Variants in GPR108 observed in about 807,000 individuals in gnomAD.
GPR108 encodes G protein-coupled receptor 108.
A neutral mutation model predicts 74.3 loss-of-function variants in GPR108; 60 were observed. That is an observed-to-expected ratio of 0.81 (90% confidence interval 0.66 to 1.00). GPR108 has a LOEUF of 1.00. Among genes scored for constraint, GPR108 ranks in the 50% least tolerant of loss-of-function variants. The probability of loss-of-function intolerance (pLI) is 0.00; values close to 1 mark genes in which losing one functional copy is unlikely to be tolerated. For synonymous variants in GPR108, 311 were observed against 292.4 expected, an observed-to-expected ratio of 1.06 and a Z score of -0.65; for missense variants, 667 against 703.3, an observed-to-expected ratio of 0.95 and a Z score of 0.58.
At position 6,731,478 on chromosome 19, in the gene GPR108, C is replaced by A; in HGVS notation, c.1345G>T (p.Val449Phe). 1 of 1,504,656 alleles carries A rather than the reference C, an allele frequency of 6.6e-7. No individual in the cohort carries two copies. 93.2% of individuals were successfully genotyped at this position (1,504,656 alleles called of 1,614,324 possible). Residue 449 changes from valine (V) to phenylalanine (F), a missense_variant, in exon 15 of 18, where the codon GTC becomes TTC. Coordinates refer to ENST00000264080, the MANE Select transcript of GPR108 (RefSeq NM_001080452.2). Reference sequence around the variant, plus strand: ...TGAGTGAGGCGGGCTCCTACCATGACATAGTAATGCCGGAACAGCTTCAGC... The same window carrying A: ...TGAGTGAGGCGGGCTCCTACCATGAAATAGTAATGCCGGAACAGCTTCAGC... ...AKLKLFRHYYVMVICYVYFTR... is the reference protein window; with the variant it reads ...AKLKLFRHYYFMVICYVYFTR...
Position 6,730,215 on chromosome 19 carries a change from A to G in GPR108, c.*97T>C, listed in dbSNP as rs1968330481. ...CCGGGGAGCTGGGCGCCTGGTCCAC[A>G]TGGACCCCCTCCACCTCCCCACATA... On this transcript the variant is annotated 3_prime_UTR_variant, in exon 18 of 18. Transcript: ENST00000264080. The G allele has an allele frequency of 8.2e-7, 1 of 1,212,972 alleles. No homozygotes were observed. Among genetic ancestry groups the G allele is most frequent in the South Asian group, 1.2e-5 (1 of 81,692 alleles). 75.1% of individuals were successfully genotyped at this position (1,212,972 alleles called of 1,614,324 possible).
At chr19:6,734,085 A>C in intron 5 of GPR108, 31 bp from the exon 6 acceptor site, 1 of 1,612,142 alleles carries the variant, frequency 6.2e-7, no homozygotes, top group Non-Finnish European at 8.5e-7. Context: ...ATTTTAAGAG[A>C]TGGATGGATG....
At chr19:6,737,360 G>T in intron 1 of GPR108, 97 bp downstream of exon 1, 1 of 1,390,930 alleles carries the variant, frequency 7.2e-7, no homozygotes, top group Non-Finnish European at 9.4e-7. Context: ...CACCGCCTCG[G>T]GGACGGGGGA....
intron 10 of GPR108, 85 bp downstream of exon 10, chr19:6,732,902 G>A (rs2145476713): frequency 7.8e-7 from 1 of 1,276,452 alleles, no homozygotes; most frequent in Non-Finnish European, 1.1e-6. Context: ...CCCTCCCACA[G>A]GCCCAGGGTC....
At chr19:6,735,986 G>C in intron 2 of GPR108, 28 bp from the exon 3 acceptor site, 2 of 1,592,404 alleles carry the variant, frequency 1.3e-6, no homozygotes, top group Non-Finnish European at 1.7e-6. Flanking sequence ...AAAGGGGAGG[G>C]TGTGAGGGAC....
intron 17 of GPR108, 44 bp downstream of exon 17, chr19:6,730,931 CCCACCCCCTACT>C: frequency 4.3e-6 from 3 of 702,362 alleles, no homozygotes; most frequent in Non-Finnish European, 7.1e-6. Flanking sequence ...CGTAGAGCTG[CCCACCCCCTACT>C]CCACCCCCAG....
chr19:6,735,732 CT>C, intron 3 of GPR108, 28 bp from the exon 4 acceptor site: 1 of 1,600,390 alleles, frequency 6.2e-7, no homozygotes, highest in Non-Finnish European at 8.6e-7. Flanking sequence ...GGGAGTGAGT[CT>C]TGGTTACTCC....
Position 6,735,886 on chromosome 19 carries a change from C to T in GPR108, c.291+22G>A. The T allele has an allele frequency of 1.9e-6, 3 of 1,609,440 alleles. No homozygotes were observed. The South Asian group carries it at 3.3e-5, about 18-fold the overall frequency. On this transcript the variant is annotated intron_variant, in intron 3 of 17. Coordinates refer to ENST00000264080, the MANE Select transcript of GPR108 (RefSeq NM_001080452.2). Reference sequence around the variant, plus strand: ...CCCTCCCTCCAGCCCCTTCTCCCGTCTTCCCCATGCCCTCCACTCACTGAA... The same window carrying T: ...CCCTCCCTCCAGCCCCTTCTCCCGTTTTCCCCATGCCCTCCACTCACTGAA...
rs762619806 is a variant in GPR108 at position 6,734,089 on chromosome 19, A to G, written c.500-35T>C. 2.6e-5 allele frequency: 42 copies of G among 1,614,104 alleles called. No individual in the cohort carries two copies. The Admixed American group carries it at 6.3e-4, about 24-fold the overall frequency. On this transcript the variant is annotated intron_variant, in intron 5 of 17. Coordinates refer to ENST00000264080, the MANE Select transcript of GPR108 (RefSeq NM_001080452.2). ...ACCGGGCAGTGATTTTAAGAGATGGATGGATGGATAGAGGGGCAGTGGGAA... is the reference window on the plus strand; with the variant it reads ...ACCGGGCAGTGATTTTAAGAGATGGGTGGATGGATAGAGGGGCAGTGGGAA...
intron 4 of GPR108, among the ~76,000 whole-genome samples, chr19:6,734,817 T>A (rs1479153405): frequency 3.3e-5 from 5 of 151,024 alleles, no homozygotes; most frequent in Admixed American, 2.6e-4. Flanking sequence ...AGCACTGGAA[T>A]TAATGGCATG....
rs774953287 is a variant in GPR108, at chr19:6,733,688, G to C, written c.619-14C>G. ...CACCACGTGGAACTGGGCGGGCGGG[G>C]AGAGAGGAGGGCTCAGCCTGGGGGA... On this transcript the variant is annotated splice_polypyrimidine_tract_variant and intron_variant, in intron 7 of 17. Coordinates refer to ENST00000264080, the MANE Select transcript of GPR108 (RefSeq NM_001080452.2). 6.2e-7 allele frequency: 1 copy of C among 1,611,792 alleles called. No homozygotes were observed. Among genetic ancestry groups the C allele is most frequent in the African/African-American group, 1.3e-5 (1 of 75,012 alleles).
intron 17 of GPR108, chr19:6,730,617 C>G (rs1449649887): frequency 2.0e-5 from 12 of 586,408 alleles, no homozygotes; most frequent in Non-Finnish European, 9.1e-6. Flanking sequence ...GCCCCACCCA[C>G]TCTACCCGTA....
chr19:6,734,277 C>G lies in GPR108; in HGVS notation c.405G>C (p.Lys135Asn). ...GGAGCCCGGGAAAGATAAACAACGT[C>G]TTCTGCTCTCCATACTTCCGCACCT... ...QVQVRKYGEQ[K>N]TLFIFPGLLP... The change falls in exon 5 of 18, where the codon AAG becomes AAC. Residue 135 changes from lysine (K) to asparagine (N), a missense_variant. By Grantham distance (94) the Lys-to-Asn change is moderately conservative. Transcript: ENST00000264080. 1 of 1,614,046 alleles carries G rather than the reference C, an allele frequency of 6.2e-7. No homozygotes were observed. Among genetic ancestry groups the G allele is most frequent in the East Asian group, 2.2e-5 (1 of 44,876 alleles).
In GPR108 at chr19:6,730,123, G is replaced by C. The variant is rs1968324283; in HGVS notation, c.*189C>G. Reference sequence around the variant, plus strand: ...AGGGGTGGTCCCGGGGTAAGGACAGGGCTGCCCAATATTTGGGGGGAGGAA... The same window carrying C: ...AGGGGTGGTCCCGGGGTAAGGACAGCGCTGCCCAATATTTGGGGGGAGGAA... On this transcript the variant is annotated 3_prime_UTR_variant, in exon 18 of 18. Transcript: ENST00000264080. 2 of 619,762 alleles carry C rather than the reference G, an allele frequency of 3.2e-6. No homozygotes were observed. The highest frequency in any genetic ancestry group is 2.7e-5 in the Admixed American group (1 of 37,062). 38.4% of individuals were successfully genotyped at this position (619,762 alleles called of 1,614,324 possible). A position where few individuals can be genotyped will look rare whatever the true frequency, so the allele number is the denominator to read the frequency against.
At chr19:6,735,982 G>A (rs746202668) in intron 2 of GPR108, 24 bp from the exon 3 acceptor site, 2 of 1,593,434 alleles carry the variant, frequency 1.3e-6, no homozygotes, top group Non-Finnish European at 1.7e-6. Context: ...AAAAAAAGGG[G>A]AGGGTGTGAG....
chr19:6,732,778 G>A (rs1416537042), intron 10 of GPR108: 1 of 654,398 alleles, frequency 1.5e-6, no homozygotes, highest in South Asian at 1.7e-5. Context: ...GACAGTCACA[G>A]CTGAACCAAG....
In GPR108 at chr19:6,732,498, C is replaced by T. The variant is rs771574245; in HGVS notation, c.985G>A (p.Val329Ile). The T allele has an allele frequency of 2.7e-5, 44 of 1,613,644 alleles. No homozygotes were observed. The highest frequency in any genetic ancestry group is 4.0e-5 in the African/African-American group (3 of 74,842). ...CACAGGTGTGCGATGTAGTACATGA[C>T]GGCAAGGCCTTCGATGGGGTGGCCC... Reference protein sequence around the residue: ...SQGHPIEGLAVMYYIAHLLKG... With the variant: ...SQGHPIEGLAIMYYIAHLLKG... Residue 329 changes from valine to isoleucine, a missense_variant, in exon 11 of 18, where the codon GTC becomes ATC. By Grantham distance (29) the Val-to-Ile change is conservative. Coordinates refer to ENST00000264080, the MANE Select transcript of GPR108 (RefSeq NM_001080452.2).
rs553012825 is a variant in GPR108, at chr19:6,734,032, C to T, written c.522G>A (p.Lys174=). Residue 174 remains lysine, a synonymous_variant, in exon 6 of 18, where the codon AAG becomes AAA. Coordinates refer to ENST00000264080, the MANE Select transcript of GPR108 (RefSeq NM_001080452.2). ...VDGGGTSAAS[K]PKSTPAVIQG... Reference sequence around the variant, plus strand: ...GAATCACTGCGGGTGTTGACTTGGGCTTGCTGGCTGCAGAGGTCCCTCCTG... The same window carrying T: ...GAATCACTGCGGGTGTTGACTTGGGTTTGCTGGCTGCAGAGGTCCCTCCTG... 1.4e-5 allele frequency: 22 copies of T among 1,614,194 alleles called. No individual in the cohort carries two copies. The African/African-American group carries it at 2.3e-4, about 17-fold the overall frequency.
At position 6,730,992 on chromosome 19, in the gene GPR108, C is replaced by T. The variant is rs1243239004; in HGVS notation, c.1554G>A (p.Glu518=). ...PQEDEEDVQM[E]QVMTDSGFRE... ...GCCCATGGTGCCCAGCTCACACTTG[C>T]TCCATCTGAACATCCTCCTCGTCCT... Residue 518 remains glutamate (E), a synonymous_variant, in exon 17 of 18, where the codon GAG becomes GAA. Transcript: ENST00000264080. The T allele has an allele frequency of 1.1e-5, 17 of 1,569,284 alleles. No homozygotes were observed. In the East Asian group the frequency reaches 3.7e-4, roughly 34 times the overall value.
Sources: allele counts gnomAD v4.1 joint callset (sites outside exome capture counted in the v4.1 genomes callset), GRCh38; gene constraint gnomAD v4.1.1; transcripts MANE v1.5; gene names NCBI Gene and HGNC (gene_info 2026-07-23, HGNC 2026-07-21).